The following RHCE variants were observed in gnomAD, a reference collection of about 807,000 sequenced individuals.
The protein encoded by RHCE is blood group Rh(CE) polypeptide.
In RHCE, 22 loss-of-function variants were observed where a neutral mutation model predicts 43.8. That is an observed-to-expected ratio of 0.50 (90% CI 0.36 to 0.72). RHCE has a LOEUF of 0.72. Ranked by LOEUF, RHCE falls within the 30% of genes least tolerant of loss-of-function variation. The probability of loss-of-function intolerance (pLI) is 0.00; values close to 1 mark genes in which losing one functional copy is unlikely to be tolerated. For missense variants in RHCE, 385 were observed against 525.4 expected (o/e 0.73, Z 2.61); for synonymous variants, 156 against 210.7 (o/e 0.74, Z 2.25).
chr1:25,378,033 C>T (rs1292679676), intron 7 of RHCE, among the ~76,000 whole-genome samples: 1 of 152,156 alleles, frequency 6.6e-6, no homozygotes, highest in African/African-American at 2.4e-5. Flanking sequence ...CTTGAATAGA[C>T]ATTTCACAAG....
At chr1:25,386,790 C>G (rs1169657168) in intron 6 of RHCE, among the ~76,000 whole-genome samples, 2 of 151,812 alleles carry the variant, frequency 1.3e-5, no homozygotes, top group Non-Finnish European at 2.9e-5. Context: ...CCACTGCACT[C>G]CAGCCTGGGC....
chr1:25,391,815 A>T lies in RHCE; in HGVS notation c.634+179T>A, dbSNP rs151230984. 9.2e-4 allele frequency among the ~76,000 whole-genome samples: 140 copies of T among 152,320 alleles called. No homozygotes were observed. The East Asian group carries it at 0.024, about 26-fold the overall frequency. ...TTAATGAAGAGAGGTCCCTAAAAGG[A>T]AGTGCTTAATTCAAAGGTATGAATT... On this transcript the variant is annotated intron_variant, in intron 4 of 9. Transcript: ENST00000294413.
upstream of RHCE, among the ~76,000 whole-genome samples, chr1:25,424,803 T>A (rs2042792994): frequency 6.6e-6 from 1 of 152,038 alleles, no homozygotes; most frequent in South Asian, 2.1e-4. Flanking sequence ...TCTGACGAAG[T>A]CTATATTTTT....
intron 7 of RHCE, among the ~76,000 whole-genome samples, chr1:25,379,482 TATATATATATA>T (rs1233380415): frequency 0.021 from 264 of 12,530 alleles, 3 homozygotes; most frequent in Middle Eastern, 0.077. Context: ...TATATATATA[TATATATATATA>T]TATTTTTTTT....
intron 6 of RHCE, among the ~76,000 whole-genome samples, chr1:25,387,676 C>T (rs1426429550): frequency 1.3e-5 from 2 of 151,814 alleles, no homozygotes; most frequent in Non-Finnish European, 2.9e-5. Context: ...TCAGATTTGC[C>T]CTGGTTTTGG....
chr1:25,397,670 C>T (rs1055188605), intron 3 of RHCE, among the ~76,000 whole-genome samples: 1 of 151,930 alleles, frequency 6.6e-6, no homozygotes, highest in East Asian at 1.9e-4. Context: ...GCCCTTCAGC[C>T]TTTCTCTCCA....
chr1:25,387,732 T>G (rs1484671270), intron 6 of RHCE, among the ~76,000 whole-genome samples: 2 of 152,216 alleles, frequency 1.3e-5, no homozygotes, highest in African/African-American at 4.8e-5. Flanking sequence ...TTTATTTTAT[T>G]TTTTAATGAC....
intron 8 of RHCE, among the ~76,000 whole-genome samples, chr1:25,371,912 A>T (rs748410807): frequency 6.6e-5 from 10 of 150,818 alleles, no homozygotes; most frequent in African/African-American, 1.5e-4. Context: ...TGCTTTTAGC[A>T]GATATTGGCA....
Position 25,390,809 on chromosome 1 carries a change from G to C in RHCE, c.741C>G (p.Val247=), listed in dbSNP as rs753494491. 6.2e-7 allele frequency: 1 copy of C among 1,614,248 alleles called. No individual in the cohort carries two copies. Among genetic ancestry groups the C allele is most frequent in the Non-Finnish European group, 8.5e-7 (1 of 1,180,044 alleles). Reference sequence around the variant, plus strand: ...ACCCTGAGATGGCTGTCACCACACTGACTGCTAGAGCATAGTAGGTGTTGA... The same window carrying C: ...ACCCTGAGATGGCTGTCACCACACTCACTGCTAGAGCATAGTAGGTGTTGA... ...AMFNTYYALA[V]SVVTAISGSS... The change falls in exon 5 of 10, where the codon GTC becomes GTG. Residue 247 remains valine, a synonymous_variant. Transcript: ENST00000294413.
upstream of RHCE, among the ~76,000 whole-genome samples, chr1:25,423,865 A>T (rs1269160125): frequency 6.6e-6 from 1 of 152,192 alleles, no homozygotes; most frequent in Non-Finnish European, 1.5e-5. Context: ...AATTTTTCAT[A>T]ATAAAATGCT....
At position 25,388,962 on chromosome 1, in the gene RHCE, G is replaced by T; in HGVS notation, c.939+14C>A. 1 of 1,614,238 alleles carries T rather than the reference G, an allele frequency of 6.2e-7. No individual in the cohort carries two copies. The highest frequency in any genetic ancestry group is 8.5e-7 in the Non-Finnish European group (1 of 1,180,046). ...TCAGCCAAAGCAGAGAGCATTAGTT[G>T]TCTAGTTTCTTACCGGCAGGCACTT... is the stretch of plus-strand genomic sequence containing the variant. On this transcript the variant is annotated intron_variant, in intron 6 of 9. Transcript: ENST00000294413.
chr1:25,390,579 C>A (rs28489795), intron 5 of RHCE, among the ~76,000 whole-genome samples, 170 bp downstream of exon 5: 116 of 151,468 alleles, frequency 7.7e-4, no homozygotes, highest in African/African-American at 1.9e-3. Context: ...TCCCAGGCCC[C>A]CTGTGACCAC....
At chr1:25,378,712 A>G (rs1645861811) in intron 7 of RHCE, among the ~76,000 whole-genome samples, 1 of 152,186 alleles carries the variant, frequency 6.6e-6, no homozygotes, top group South Asian at 2.1e-4. Context: ...TCATAAAGGC[A>G]TAGGCCCAGT....
intron 9 of RHCE, among the ~76,000 whole-genome samples, chr1:25,369,936 G>C (rs1645556157): frequency 6.6e-6 from 1 of 151,018 alleles, no homozygotes; most frequent in Non-Finnish European, 1.5e-5. Context: ...ATGGGGTTTT[G>C]ACACGTTGGC....
intron 1 of RHCE, among the ~76,000 whole-genome samples, chr1:25,414,476 G>A (rs1328667807): frequency 4.0e-5 from 6 of 151,894 alleles, no homozygotes; most frequent in East Asian, 1.9e-4. Flanking sequence ...CTACTCTACC[G>A]GCGACTCTCA....
intron 3 of RHCE, among the ~76,000 whole-genome samples, chr1:25,394,893 T>C (rs2124444008): frequency 6.6e-6 from 1 of 151,966 alleles, no homozygotes; most frequent in Admixed American, 6.6e-5. Context: ...CTCTGGTCCC[T>C]GGCTCTGGTT....
intron 3 of RHCE, among the ~76,000 whole-genome samples, chr1:25,401,668 TG>T (rs1206902584): frequency 6.6e-6 from 1 of 152,240 alleles, no homozygotes; most frequent in Non-Finnish European, 1.5e-5. Flanking sequence ...AGATGCTGGC[TG>T]TACAAACTTG....
At chr1:25,387,797 AAAT>A (rs1387472118) in intron 6 of RHCE, among the ~76,000 whole-genome samples, 1 of 152,014 alleles carries the variant, frequency 6.6e-6, no homozygotes, top group African/African-American at 2.4e-5. Flanking sequence ...TTTTATGGCT[AAAT>A]AATATTCCAC....
At position 25,372,960 on chromosome 1, in the gene RHCE, A is replaced by G. The variant is rs192276391; in HGVS notation, c.1153+2389T>C. Among the ~76,000 whole-genome samples, 119 of 151,274 alleles carry G rather than the reference A, an allele frequency of 7.9e-4. 3 individuals are homozygous for G. The highest frequency in any genetic ancestry group is 2.5e-3 in the African/African-American group (103 of 40,696). ...GCTGGGACTACAGGTGTACCACCAC[A>G]CCTGGCTAATTTTTGTATCTTTTGT... On this transcript the variant is annotated intron_variant, in intron 8 of 9. Transcript: ENST00000294413.
Sources: allele counts gnomAD v4.1 joint callset (sites outside exome capture counted in the v4.1 genomes callset), GRCh38; gene constraint gnomAD v4.1.1; transcripts MANE v1.5; gene names NCBI Gene and HGNC (gene_info 2026-07-23, HGNC 2026-07-21).